The following F13A1 variants were observed in gnomAD, a reference collection of about 807,000 sequenced individuals.
The protein encoded by F13A1 is FSF, A subunit.
In F13A1, 47 loss-of-function variants were observed where a neutral mutation model predicts 80.1. The ratio of observed to expected loss-of-function variants is 0.59; its 90% CI spans 0.46 to 0.75. F13A1 has a LOEUF of 0.75. Among genes scored for constraint, F13A1 ranks in the 30% least tolerant of loss-of-function variants. The probability of loss-of-function intolerance (pLI) is 0.00; values close to 1 mark genes in which losing one functional copy is unlikely to be tolerated. For missense variants in F13A1, 817 were observed against 930.4 expected, an observed-to-expected ratio of 0.88 and a Z score of 1.59; for synonymous variants, 349 against 344.9, an observed-to-expected ratio of 1.01 and a Z score of -0.13.
At chr6:6,225,972 A>C (rs1385118685) in intron 6 of F13A1, among the ~76,000 whole-genome samples, 1 of 152,250 alleles carries the variant, frequency 6.6e-6, no homozygotes, top group Non-Finnish European at 1.5e-5. Flanking sequence ...GCAATCTTGA[A>C]TATCTGGATA....
chr6:6,290,582 G>A (rs1758209119), intron 3 of F13A1, among the ~76,000 whole-genome samples: 1 of 152,160 alleles, frequency 6.6e-6, no homozygotes, highest in Non-Finnish European at 1.5e-5. Context: ...TATGAGAAGA[G>A]ACACAAAACA....
chr6:6,231,324 A>G (rs1333855626), intron 6 of F13A1, among the ~76,000 whole-genome samples: 3 of 152,148 alleles, frequency 2.0e-5, no homozygotes, highest in African/African-American at 4.8e-5. Flanking sequence ...TAGAAGAAAA[A>G]AATTCAGAGC....
chr6:6,236,920 C>T (rs1422985326), intron 6 of F13A1, among the ~76,000 whole-genome samples: 1 of 152,136 alleles, frequency 6.6e-6, no homozygotes. Context: ...TCCCCAGCTA[C>T]AGTGTGGTGG....
intron 4 of F13A1, among the ~76,000 whole-genome samples, chr6:6,265,039 C>G (rs1373926825): frequency 6.6e-6 from 1 of 152,162 alleles, no homozygotes; most frequent in East Asian, 1.9e-4. Context: ...GGCAGGAGCA[C>G]TGCTTGAGCC....
Position 6,318,649 on chromosome 6 carries a change from T to G in F13A1, c.16A>C (p.Arg6=), listed in dbSNP as rs1297177000. The G allele has an allele frequency of 3.1e-6, 5 of 1,608,578 alleles. No individual in the cohort carries two copies. Among genetic ancestry groups the G allele is most frequent in the Non-Finnish European group, 3.4e-6 (4 of 1,179,256 alleles). The change falls in exon 2 of 15, where the codon AGG becomes CGG. Residue 6 remains arginine, a synonymous_variant. Coordinates refer to ENST00000264870, the MANE Select transcript of F13A1 (RefSeq NM_000129.4). The part of the protein sequence containing the change: MSETS[R]TAFGGRRAVP... ...GCTCTTCTGCCTCCAAAGGCGGTCC[T>G]GGAAGTTTCTGACATTTTTGACTTT...
chr6:6,253,538 G>A lies in F13A1; in HGVS notation c.572-2609C>T, dbSNP rs147627033. 6.5e-3 allele frequency among the ~76,000 whole-genome samples: 995 copies of A among 152,296 alleles called. 5 individuals are homozygous for A. The highest frequency in any genetic ancestry group is 0.023 in the African/African-American group (947 of 41,546). ...GCAGAGGGTCTCCGGAGCTCTCAGG[G>A]AGAGACGGATCCTCTCCAGCTGTTC... On this transcript the variant is annotated intron_variant, in intron 4 of 14. Coordinates refer to ENST00000264870, the MANE Select transcript of F13A1 (RefSeq NM_000129.4).
intron 8 of F13A1, among the ~76,000 whole-genome samples, chr6:6,212,990 A>C (rs1761647560): frequency 6.6e-6 from 1 of 152,202 alleles, no homozygotes; most frequent in African/African-American, 2.4e-5. Context: ...AAAAGAATAA[A>C]AAGAAACCAG....
chr6:6,173,404 CTTTTCTTTT>C (rs72102583), intron 12 of F13A1, among the ~76,000 whole-genome samples: 65,137 of 143,974 alleles, frequency 0.45, 14,663 homozygotes, highest in Middle Eastern at 0.56. Flanking sequence ...AGCCTCCATT[CTTTTCTTTT>C]TTTTTTTTTT....
rs121913064 is a variant in F13A1 at position 6,151,813 on chromosome 6, C to T, written c.2045G>A (p.Arg682His). The change falls in exon 14 of 15, where the codon CGT becomes CAT. Residue 682 changes from arginine (R) to histidine (H), a missense_variant and splice_region_variant. Coordinates refer to ENST00000264870, the MANE Select transcript of F13A1 (RefSeq NM_000129.4). ...CCGGTCTCCCCAACCCAAGGTTTAC[C>T]GGAACATCTTCTTCATTGGTCTTGT... ...GVTRPMKKMF[R>H]EIRPNSTVQW... is the part of the protein sequence containing the mutation. 2.3e-5 allele frequency: 37 copies of T among 1,613,900 alleles called. No homozygotes were observed. The highest frequency in any genetic ancestry group is 3.3e-5 in the South Asian group (3 of 91,080).
intron 4 of F13A1, among the ~76,000 whole-genome samples, chr6:6,258,581 G>A (rs1397789360): frequency 6.6e-6 from 1 of 151,992 alleles, no homozygotes; most frequent in Admixed American, 6.6e-5. Context: ...TCAATCCTGG[G>A]GTCACCTACA....
At chr6:6,291,251 G>A (rs918731912) in intron 3 of F13A1, among the ~76,000 whole-genome samples, 4 of 150,992 alleles carry the variant, frequency 2.6e-5, no homozygotes, top group Non-Finnish European at 4.4e-5. Flanking sequence ...CCCCTCACCC[G>A]TGCCCCTGTC....
At chr6:6,241,738 T>C (rs1044364206) in intron 6 of F13A1, among the ~76,000 whole-genome samples, 3 of 152,228 alleles carry the variant, frequency 2.0e-5, no homozygotes, top group African/African-American at 7.2e-5. Context: ...ACCTTGTGAC[T>C]GGTCTGTATG....
chr6:6,237,672 T>C (rs1404893426), intron 6 of F13A1, among the ~76,000 whole-genome samples: 1 of 152,220 alleles, frequency 6.6e-6, no homozygotes, highest in East Asian at 1.9e-4. Context: ...TTTGATCACA[T>C]AGTACTCTTT....
chr6:6,165,042 T>C (rs765709121), intron 13 of F13A1, among the ~76,000 whole-genome samples: 2 of 152,198 alleles, frequency 1.3e-5, no homozygotes, highest in Non-Finnish European at 2.9e-5. Flanking sequence ...TTGGAGTTAG[T>C]TGGGCTAATG....
intron 12 of F13A1, among the ~76,000 whole-genome samples, chr6:6,170,485 G>C (rs929558449): frequency 6.6e-6 from 1 of 152,206 alleles, no homozygotes; most frequent in Non-Finnish European, 1.5e-5. Context: ...TTTATTAAAC[G>C]TGGCAGGAGA....
intron 12 of F13A1, among the ~76,000 whole-genome samples, chr6:6,171,039 T>G (rs1045509019): frequency 1.3e-5 from 2 of 152,042 alleles, no homozygotes; most frequent in African/African-American, 4.8e-5. Flanking sequence ...ACTGAGAGAA[T>G]GATATCATTC....
At chr6:6,267,431 T>C (rs1387789280) in intron 3 of F13A1, among the ~76,000 whole-genome samples, 1 of 152,212 alleles carries the variant, frequency 6.6e-6, no homozygotes, top group Non-Finnish European at 1.5e-5. Context: ...CCCACCTGCA[T>C]AAGCATGTTT....
chr6:6,319,024 A>G (rs1406659479), intron 1 of F13A1, among the ~76,000 whole-genome samples: 1 of 152,204 alleles, frequency 6.6e-6, no homozygotes, highest in Non-Finnish European at 1.5e-5. Flanking sequence ...TTCGCAAGAA[A>G]TGTTTCCTGT....
intron 8 of F13A1, among the ~76,000 whole-genome samples, chr6:6,217,876 G>GT (rs940784423): frequency 6.6e-6 from 1 of 152,142 alleles, no homozygotes; most frequent in Admixed American, 6.5e-5. Flanking sequence ...AAAAAGGTTT[G>GT]TTTATAGATT....
Sources: gnomAD v4.1 joint callset for allele counts (sites outside exome capture counted in the v4.1 genomes callset) on GRCh38, gnomAD v4.1.1 for gene constraint, MANE v1.5 for transcripts, NCBI Gene and HGNC (gene_info 2026-07-23, HGNC 2026-07-21) for gene names.